Variants in SCHIP1 observed in about 807,000 individuals in gnomAD.
SCHIP1 encodes schwannomin-interacting protein 1.
Under a neutral mutation model 29.7 loss-of-function variants are expected in SCHIP1, and 8 were observed. The observed-to-expected ratio is 0.27, with a 90% CI of 0.16 to 0.49. The LOEUF (loss-of-function observed/expected upper bound fraction) is 0.49, where lower values mean the gene tolerates loss of function less well. Among genes scored for constraint, SCHIP1 ranks in the 20% least tolerant of loss-of-function variants. The pLI is 0.99. For synonymous variants in SCHIP1, 76 were observed against 94.9 expected, an observed-to-expected ratio of 0.80 and a Z score of 1.16; for missense variants, 193 against 294.6, an observed-to-expected ratio of 0.66 and a Z score of 2.52.
the SCHIP1 span, among the ~76,000 whole-genome samples, chr3:159,287,799 C>T: frequency 6.6e-6 from 1 of 152,142 alleles, no homozygotes; most frequent in Non-Finnish European, 1.5e-5. Context: ...TAAAAGGCAG[C>T]CAGCTCAGCA....
At chr3:159,634,801 T>C in the SCHIP1 span, among the ~76,000 whole-genome samples, 21 of 152,106 alleles carry the variant, frequency 1.4e-4, no homozygotes, top group East Asian at 3.9e-4. Context: ...TCAGAAGTTT[T>C]CCCCCCCTTT....
At chr3:159,490,361 A>G in the SCHIP1 span, among the ~76,000 whole-genome samples, 1 of 152,240 alleles carries the variant, frequency 6.6e-6, no homozygotes, top group African/African-American at 2.4e-5. Flanking sequence ...AGGTTTAAAA[A>G]TGTAACAATA....
chr3:159,473,648 A>G, the SCHIP1 span, among the ~76,000 whole-genome samples: 1 of 149,366 alleles, frequency 6.7e-6, no homozygotes, highest in African/African-American at 2.5e-5. Flanking sequence ...ATGCCCTGAA[A>G]TCTACCCTAC....
the SCHIP1 span, among the ~76,000 whole-genome samples, chr3:159,742,678 T>G: frequency 6.6e-6 from 1 of 151,732 alleles, no homozygotes; most frequent in Non-Finnish European, 1.5e-5. Context: ...TCTTTTTCTT[T>G]TTTTTTTGAG....
intron 1 of SCHIP1, among the ~76,000 whole-genome samples, chr3:159,851,758 C>A (rs1365088328): frequency 6.6e-6 from 1 of 152,158 alleles, no homozygotes; most frequent in Admixed American, 6.5e-5. Context: ...TTGCCACAGC[C>A]CCGGGAAGCA....
the SCHIP1 span, among the ~76,000 whole-genome samples, chr3:159,793,579 T>C: frequency 6.6e-6 from 1 of 151,806 alleles, no homozygotes; most frequent in African/African-American, 2.4e-5. Flanking sequence ...TAGGGGAGAG[T>C]CTGAGTCTCA....
chr3:159,399,925 G>A, the SCHIP1 span, among the ~76,000 whole-genome samples: 1 of 152,270 alleles, frequency 6.6e-6, no homozygotes, highest in East Asian at 1.9e-4. Context: ...TGATCATCCT[G>A]CCTTGGCCTC....
chr3:159,678,479 A>C, the SCHIP1 span, among the ~76,000 whole-genome samples: 7 of 152,238 alleles, frequency 4.6e-5, no homozygotes, highest in Admixed American at 2.6e-4. Context: ...TTATCGGTAA[A>C]GTTTTTAGAG....
At chr3:159,634,346 C>G in the SCHIP1 span, among the ~76,000 whole-genome samples, 1 of 152,052 alleles carries the variant, frequency 6.6e-6, no homozygotes, top group Non-Finnish European at 1.5e-5. Flanking sequence ...AAGAAATAAA[C>G]TATGTAAGTG....
the SCHIP1 span, among the ~76,000 whole-genome samples, chr3:159,602,896 A>G: frequency 6.6e-6 from 1 of 152,128 alleles, no homozygotes; most frequent in South Asian, 2.1e-4. Flanking sequence ...TTCCACAGAT[A>G]CCACCTGGGT....
the SCHIP1 span, among the ~76,000 whole-genome samples, chr3:159,604,781 T>A: frequency 6.6e-6 from 1 of 152,218 alleles, no homozygotes; most frequent in African/African-American, 2.4e-5. Context: ...ATAAGAATAT[T>A]TGGCATGACA....
chr3:159,297,609 T>A, the SCHIP1 span, among the ~76,000 whole-genome samples: 206 of 151,942 alleles, frequency 1.4e-3, no homozygotes, highest in African/African-American at 4.8e-3. Flanking sequence ...AATGTTTTTT[T>A]AAAAAAAAGA....
the SCHIP1 span, among the ~76,000 whole-genome samples, chr3:159,502,255 A>G: frequency 6.6e-6 from 1 of 152,286 alleles, no homozygotes; most frequent in East Asian, 1.9e-4. Flanking sequence ...AAAGAGATAC[A>G]GGCTTTAGTT....
At chr3:159,554,161 C>T in the SCHIP1 span, among the ~76,000 whole-genome samples, 1 of 152,100 alleles carries the variant, frequency 6.6e-6, no homozygotes, top group African/African-American at 2.4e-5. Flanking sequence ...TGAGCCACCT[C>T]GCCCGGTCAG....
chr3:159,392,359 G>A, the SCHIP1 span, among the ~76,000 whole-genome samples: 1 of 151,962 alleles, frequency 6.6e-6, no homozygotes. Context: ...TGTGCACATT[G>A]TGCAGGTTAG....
At chr3:159,387,256 T>A in the SCHIP1 span, 1 of 208,326 alleles carries the variant, frequency 4.8e-6, no homozygotes, top group African/African-American at 2.4e-5. Context: ...AGCAAGAGTC[T>A]GCTTTTGCAT....
the SCHIP1 span, among the ~76,000 whole-genome samples, chr3:159,743,060 C>T: frequency 3.3e-5 from 5 of 152,016 alleles, no homozygotes; most frequent in Admixed American, 2.6e-4. Flanking sequence ...TTTCTAACTG[C>T]TGTAACTGTA....
the SCHIP1 span, among the ~76,000 whole-genome samples, chr3:159,337,330 T>C: frequency 2.2e-3 from 338 of 152,154 alleles, 2 homozygotes; most frequent in African/African-American, 7.7e-3. Context: ...CAACATAGTG[T>C]TGGAAGTTCT....
chr3:159,643,467 A>G, the SCHIP1 span, among the ~76,000 whole-genome samples: 1 of 152,058 alleles, frequency 6.6e-6, no homozygotes, highest in Non-Finnish European at 1.5e-5. Context: ...CATACATCCT[A>G]GAATACTCAC....
Sources: gnomAD v4.1 joint callset for allele counts (sites outside exome capture counted in the v4.1 genomes callset) on GRCh38, gnomAD v4.1.1 for gene constraint, MANE v1.5 for transcripts, NCBI Gene and HGNC (gene_info 2026-07-23, HGNC 2026-07-21) for gene names.